The following NRXN3 variants were observed in gnomAD, a reference collection of about 807,000 sequenced individuals.
The protein encoded by NRXN3 is neurexin III.
In NRXN3, 32 loss-of-function variants were observed where a neutral mutation model predicts 137.6. The observed-to-expected ratio is 0.23, with a 90% CI of 0.18 to 0.31. The LOEUF (loss-of-function observed/expected upper bound fraction) is 0.31. Ranked by LOEUF, NRXN3 falls within the 10% of genes least tolerant of loss-of-function variation. The probability of loss-of-function intolerance (pLI) is 1.00; values close to 1 mark genes in which losing one functional copy is unlikely to be tolerated. For missense variants in NRXN3, 1,574 were observed against 2,062.5 expected, an observed-to-expected ratio of 0.76 and a Z score of 4.59; for synonymous variants, 798 against 784.5, an observed-to-expected ratio of 1.02 and a Z score of -0.29.
At chr14:78,551,943 A>G (rs1474343216) in intron 4 of NRXN3, among the ~76,000 whole-genome samples, 4 of 152,190 alleles carry the variant, frequency 2.6e-5, no homozygotes, top group Non-Finnish European at 5.9e-5. Flanking sequence ...TTAGAGATCA[A>G]GTAGCCCAGT....
At chr14:79,141,931 A>T (rs1156895162) in intron 15 of NRXN3, among the ~76,000 whole-genome samples, 1 of 152,140 alleles carries the variant, frequency 6.6e-6, no homozygotes, top group Non-Finnish European at 1.5e-5. Context: ...ATCACTCTTG[A>T]CTTAATTTTC....
chr14:79,180,633 C>CTT (rs2062825752), intron 15 of NRXN3, among the ~76,000 whole-genome samples: 1 of 152,118 alleles, frequency 6.6e-6, no homozygotes, highest in Non-Finnish European at 1.5e-5. Context: ...ATAACAGAGA[C>CTT]TTTAATGGAT....
intron 10 of NRXN3, among the ~76,000 whole-genome samples, chr14:78,929,567 A>G (rs1464653170): frequency 6.6e-6 from 1 of 152,178 alleles, no homozygotes; most frequent in Non-Finnish European, 1.5e-5. Flanking sequence ...ATAGTATTCC[A>G]TGGTGCATAT....
chr14:78,761,853 C>A (rs1297399504), intron 8 of NRXN3, among the ~76,000 whole-genome samples: 1 of 151,994 alleles, frequency 6.6e-6, no homozygotes, highest in Non-Finnish European at 1.5e-5. Context: ...TTGATGTAAG[C>A]CCTGGGAGAA....
At chr14:78,890,905 A>G (rs1302798970) in intron 10 of NRXN3, among the ~76,000 whole-genome samples, 1 of 151,996 alleles carries the variant, frequency 6.6e-6, no homozygotes, top group East Asian at 1.9e-4. Flanking sequence ...AAGCCACTGA[A>G]GCAGCCTTCG....
chr14:79,755,204 AAATCATCTCTAGATTAGTTAT>A (rs2099015202), intron 19 of NRXN3, among the ~76,000 whole-genome samples: 1 of 152,184 alleles, frequency 6.6e-6, no homozygotes, highest in Non-Finnish European at 1.5e-5. Flanking sequence ...CACGTACTTT[AAATCATCTCTAGATTAGTTAT>A]AATACCTAAA....
rs377622698 is a variant in NRXN3, at chr14:79,007,495, C to A, written c.3262+19354C>A. Among the ~76,000 whole-genome samples, 82 of 150,396 alleles carry A rather than the reference C, an allele frequency of 5.5e-4. 1 individual carries two copies. The highest frequency in any genetic ancestry group is 1.6e-3 in the African/African-American group (64 of 40,872). On this transcript the variant is annotated intron_variant, in intron 15 of 20. Transcript: ENST00000335750. ...AAGGCAATAGAAAGCAATCAACCAA[C>A]CAAACAAACAAACAAAAAAAAACAA...
chr14:78,230,121 C>T (rs2065185182), intron 1 of NRXN3, among the ~76,000 whole-genome samples: 1 of 152,136 alleles, frequency 6.6e-6, no homozygotes, highest in South Asian at 2.1e-4. Flanking sequence ...GCCTCCTGAA[C>T]TCAAGTGATC....
In NRXN3 at chr14:79,358,607, G is replaced by GAGAAAGAAAGAAAGAAAGAAAGAA. The variant is rs751796019; in HGVS notation, c.3263-108575_3263-108552dup. Among the ~76,000 whole-genome samples, 236 of 79,958 alleles carry GAGAAAGAAAGAAAGAAAGAAAGAA rather than the reference G, an allele frequency of 3.0e-3. 1 individual carries two copies. The highest frequency in any genetic ancestry group is 5.2e-3 in the South Asian group (8 of 1,524). 52.5% of individuals were successfully genotyped at this position (79,958 alleles called of 152,430 possible). On this transcript the variant is annotated intron_variant, in intron 15 of 20. Transcript: ENST00000335750. ...AGAGAGAAAGAAAGAAAGAAAGAAA[G>GAGAAAGAAAGAAAGAAAGAAAGAA]AGAAAGAAAGAAAGAAAGAAAGAAA...
intron 6 of NRXN3, among the ~76,000 whole-genome samples, chr14:78,652,420 A>T (rs59060096): frequency 0.021 from 3,251 of 152,302 alleles, 141 homozygotes; most frequent in African/African-American, 0.075. Flanking sequence ...GAATCAGACT[A>T]AATTTGGTAG....
At chr14:78,336,453 C>A (rs1259374743) in intron 4 of NRXN3, among the ~76,000 whole-genome samples, 1 of 152,110 alleles carries the variant, frequency 6.6e-6, no homozygotes, top group Non-Finnish European at 1.5e-5. Context: ...TTGCTCCTGG[C>A]AGTGTTCTAG....
At chr14:79,128,758 A>T (rs376577054) in intron 15 of NRXN3, among the ~76,000 whole-genome samples, 6 of 151,802 alleles carry the variant, frequency 4.0e-5, no homozygotes, top group Non-Finnish European at 8.8e-5. Flanking sequence ...AATGGTACCA[A>T]TTCCTCCTTG....
At chr14:78,673,063 C>T (rs745914122) in intron 6 of NRXN3, among the ~76,000 whole-genome samples, 2 of 152,214 alleles carry the variant, frequency 1.3e-5, no homozygotes, top group African/African-American at 2.4e-5. Context: ...TTAATTACCA[C>T]ATTAGAGTTT....
At chr14:79,026,517 A>G (rs1443443837) in intron 15 of NRXN3, among the ~76,000 whole-genome samples, 1 of 152,090 alleles carries the variant, frequency 6.6e-6, no homozygotes, top group Non-Finnish European at 1.5e-5. Flanking sequence ...AAACCAACAA[A>G]CAAACCAGAA....
chr14:78,221,234 T>A (rs140860053), intron 1 of NRXN3, among the ~76,000 whole-genome samples: 21 of 151,988 alleles, frequency 1.4e-4, no homozygotes, highest in Non-Finnish European at 2.8e-4. Context: ...AGTGAAGAGA[T>A]TAGGGTGCCG....
intron 19 of NRXN3, among the ~76,000 whole-genome samples, chr14:79,753,086 A>C (rs1284582564): frequency 1.3e-5 from 2 of 151,442 alleles, no homozygotes; most frequent in Admixed American, 6.6e-5. Flanking sequence ...GCTGGAGAGG[A>C]TGTGGAGAAA....
chr14:78,934,873 A>G (rs1393450673), intron 10 of NRXN3, among the ~76,000 whole-genome samples: 2 of 152,062 alleles, frequency 1.3e-5, no homozygotes, highest in African/African-American at 4.8e-5. Context: ...TGATGAGTTA[A>G]TGGGTGCAGC....
chr14:78,676,135 C>T (rs1567035525), intron 6 of NRXN3, among the ~76,000 whole-genome samples: 1 of 152,138 alleles, frequency 6.6e-6, no homozygotes, highest in Admixed American at 6.5e-5. Context: ...AATAGCCCTA[C>T]TGTGGCCTCC....
intron 15 of NRXN3, among the ~76,000 whole-genome samples, chr14:79,082,297 A>C (rs1290611350): frequency 6.6e-6 from 1 of 152,080 alleles, no homozygotes; most frequent in Non-Finnish European, 1.5e-5. Context: ...AGATGGAAGT[A>C]ATATATAAAG....
Sources: allele counts gnomAD v4.1 joint callset (sites outside exome capture counted in the v4.1 genomes callset), GRCh38; gene constraint gnomAD v4.1.1; transcripts MANE v1.5; gene names NCBI Gene and HGNC (gene_info 2026-07-23, HGNC 2026-07-21).